The following DROSHA variants were observed in gnomAD, a reference collection of about 807,000 sequenced individuals.
The protein encoded by DROSHA is ribonuclease 3.
Under a neutral mutation model 181.9 loss-of-function variants are expected in DROSHA, and 56 were observed. The ratio of observed to expected loss-of-function variants is 0.31; its 90% CI spans 0.25 to 0.38. The LOEUF (loss-of-function observed/expected upper bound fraction) is 0.38, where lower values mean the gene tolerates loss of function less well. Among genes scored for constraint, DROSHA ranks in the 10% least tolerant of loss-of-function variants. DROSHA has a pLI of 1.00. For synonymous variants in DROSHA, 524 were observed against 591.2 expected (o/e 0.89, Z 1.65); for missense variants, 1,218 against 1,743.5 (o/e 0.70, Z 5.37).
At chr5:31,483,456 G>C in intron 16 of DROSHA, 98 bp downstream of exon 16, 2 of 1,151,298 alleles carry the variant, frequency 1.7e-6, no homozygotes, top group Non-Finnish European at 2.6e-6. Flanking sequence ...TAACAGTATC[G>C]AAGGTGGGAA....
rs1491090440 is a variant in DROSHA, at chr5:31,484,503, GCA to G, written c.1996+376_1996+377del. On this transcript the variant is annotated intron_variant, in intron 15 of 35. Transcript: ENST00000344624. Reference sequence around the variant, plus strand: ...GTTCACTCTAAGTGTCTGCGTGTGTGCATGTGTGTGTTTTAATGACTAACCAA... The same window carrying G: ...GTTCACTCTAAGTGTCTGCGTGTGTGTGTGTGTGTTTTAATGACTAACCAA... Among the ~76,000 whole-genome samples, 32 of 7,324 alleles carry G rather than the reference GCA, an allele frequency of 4.4e-3. No individual in the cohort carries two copies. The Admixed American group carries it at 0.044, about 10-fold the overall frequency. 4.8% of individuals were successfully genotyped at this position (7,324 alleles called of 152,430 possible).
intron 20 of DROSHA, among the ~76,000 whole-genome samples, chr5:31,458,665 T>G (rs1198993697): frequency 1.3e-5 from 2 of 152,210 alleles, no homozygotes; most frequent in Non-Finnish European, 2.9e-5. Context: ...ATGATGGAAA[T>G]ATCCTATTAT....
chr5:31,407,452 T>A (rs1740780534), intron 33 of DROSHA, among the ~76,000 whole-genome samples: 1 of 152,164 alleles, frequency 6.6e-6, no homozygotes, highest in South Asian at 2.1e-4. Flanking sequence ...TTCTGAAACA[T>A]CTGAGATCAC....
At position 31,401,470 on chromosome 5, in the gene DROSHA, CTT is replaced by C. The variant is rs772793274; in HGVS notation, c.4085_4086del (p.Gln1362ArgfsTer6). 1.6e-5 allele frequency: 26 copies of C among 1,613,194 alleles called. No individual in the cohort carries two copies. Among genetic ancestry groups the C allele is most frequent in the East Asian group, 4.5e-5 (2 of 44,812 alleles). ...TCTTCAGTCTCATCTGGCTCTCTCT[CTT>C]GATGCTCTCTTTCCCACCTCATTTC... is the stretch of plus-strand genomic sequence containing the variant. ...LKEMRWEREH[Q>X]EREPDETEDI... On this transcript the variant is annotated frameshift_variant, in exon 36 of 36. Coordinates refer to ENST00000344624, the MANE Select transcript of DROSHA (RefSeq NM_001382508.1). LOFTEE classifies it high-confidence loss of function.
chr5:31,467,813 G>T, intron 18 of DROSHA, 126 bp downstream of exon 18: 1 of 1,245,164 alleles, frequency 8.0e-7, no homozygotes, highest in Non-Finnish European at 1.1e-6. Context: ...AATCTAAATT[G>T]GAAGTATGGC....
intron 15 of DROSHA, among the ~76,000 whole-genome samples, chr5:31,484,318 G>A (rs1433182755): frequency 7.1e-6 from 1 of 141,632 alleles, no homozygotes; most frequent in Non-Finnish European, 1.5e-5. Context: ...AGCTTGCAGT[G>A]AGCCGAGATT....
intron 25 of DROSHA, among the ~76,000 whole-genome samples, chr5:31,432,175 A>C (rs1420309795): frequency 6.7e-6 from 1 of 150,354 alleles, no homozygotes; most frequent in Non-Finnish European, 1.5e-5. Context: ...TCTGTCGCCC[A>C]GGCTGGAGTG....
At position 31,464,269 on chromosome 5, in the gene DROSHA, G is replaced by A. The variant is rs897181836; in HGVS notation, c.2541C>T (p.Phe847=). 6.2e-7 allele frequency: 1 copy of A among 1,613,398 alleles called. No homozygotes were observed. The highest frequency in any genetic ancestry group is 8.5e-7 in the Non-Finnish European group (1 of 1,179,630). Residue 847 remains phenylalanine, a synonymous_variant, in exon 20 of 36, where the codon TTC becomes TTT. Transcript: ENST00000344624. ...CATCAGAACGGATGCCAGTTTTCCA[G>A]AATCCTTGGCTACTTAGCTCCACCG... ...EVTVELSSQG[F]WKTGIRSDVC...
chr5:31,422,557 TCTC>T (rs1292900335), intron 29 of DROSHA, among the ~76,000 whole-genome samples: 6 of 152,270 alleles, frequency 3.9e-5, no homozygotes, highest in African/African-American at 1.2e-4. Flanking sequence ...CCTTCACACT[TCTC>T]CTAAAACTTA....
intron 20 of DROSHA, among the ~76,000 whole-genome samples, chr5:31,461,274 C>T (rs1343138306): frequency 3.3e-5 from 5 of 152,062 alleles, no homozygotes; most frequent in Admixed American, 6.6e-5. Context: ...TGGCAAACAT[C>T]GATAATTTAA....
chr5:31,437,204 T>G (rs529930730), intron 24 of DROSHA, 35 bp downstream of exon 24: 1 of 1,546,156 alleles, frequency 6.5e-7, no homozygotes, highest in African/African-American at 1.4e-5. Flanking sequence ...AATGTAATTA[T>G]TGAGGAATTG....
At chr5:31,407,776 G>A (rs376826509) in intron 33 of DROSHA, among the ~76,000 whole-genome samples, 89 of 152,262 alleles carry the variant, frequency 5.8e-4, no homozygotes, top group Middle Eastern at 3.4e-3. Context: ...GAATGTGCAC[G>A]AGTGGCTTCT....
Position 31,500,620 on chromosome 5 carries a change from A to G in DROSHA, c.1668+3935T>C, listed in dbSNP as rs545041353. Among the ~76,000 whole-genome samples, 15 of 152,348 alleles carry G rather than the reference A, an allele frequency of 9.8e-5. No individual in the cohort carries two copies. In the South Asian group the frequency reaches 2.9e-3, roughly 29 times the overall value. On this transcript the variant is annotated intron_variant, in intron 11 of 35. Transcript: ENST00000344624. ...ATGGGAAGCCCCAGAGGACACACCAAAACAAATGTGCAGGTGACAGGAGCA... is the reference window on the plus strand; with the variant it reads ...ATGGGAAGCCCCAGAGGACACACCAGAACAAATGTGCAGGTGACAGGAGCA...
chr5:31,465,269 T>C (rs1748875395), intron 19 of DROSHA, among the ~76,000 whole-genome samples: 1 of 152,172 alleles, frequency 6.6e-6, no homozygotes. Context: ...AACCGTTTAT[T>C]CTTATAATTA....
intron 26 of DROSHA, among the ~76,000 whole-genome samples, chr5:31,430,926 A>T (rs1344055272): frequency 6.6e-6 from 1 of 152,100 alleles, no homozygotes; most frequent in Non-Finnish European, 1.5e-5. Context: ...TTGTCAATCT[A>T]CTGTAACATT....
At chr5:31,525,329 CAAAAAAAAAAA>C (rs34043904) in intron 5 of DROSHA, among the ~76,000 whole-genome samples, 5 of 46,054 alleles carry the variant, frequency 1.1e-4, no homozygotes, top group Non-Finnish European at 1.5e-4. Flanking sequence ...GACTTCATCT[CAAAAAAAAAAA>C]AAAAAAAAAA....
Position 31,409,070 on chromosome 5 carries a change from G to A in DROSHA, c.3840C>T (p.Asp1280=). Reference sequence around the variant, plus strand: ...CAAGTACTTACTTGTACAGAGGAATGTCTGGCTCTTTTCCTTCTGTCCTAA... The same window carrying A: ...CAAGTACTTACTTGTACAGAGGAATATCTGGCTCTTTTCCTTCTGTCCTAA... ...LTLRTEGKEP[D]IPLYKTLQTV... Residue 1280 remains aspartate, a synonymous_variant, in exon 33 of 36, where the codon GAC becomes GAT. Transcript: ENST00000344624. This position sits in a 1 kb window ranked among gnomAD's most constrained non-coding sequence, Gnocchi z 4.0. 6.2e-7 allele frequency: 1 copy of A among 1,613,850 alleles called. No homozygotes were observed. The highest frequency in any genetic ancestry group is 1.3e-5 in the African/African-American group (1 of 75,052).
rs1414986256 is a variant in DROSHA at position 31,437,093 on chromosome 5, T to C, written c.2942+146A>G. The C allele has an allele frequency of 8.3e-6, 7 of 840,588 alleles. No homozygotes were observed. The East Asian group carries it at 1.3e-4, about 16-fold the overall frequency. The allele number at this position is 840,588 out of a possible 1,614,324, so 52.1% of individuals were successfully genotyped here. A position where few individuals can be genotyped will look rare whatever the true frequency, so the allele number is the denominator to read the frequency against. Reference sequence around the variant, plus strand: ...GTTATCAGGGCAAGGGCCACAGACATGTGGCTTCTAAGCTCTACAAAAGAG... The same window carrying C: ...GTTATCAGGGCAAGGGCCACAGACACGTGGCTTCTAAGCTCTACAAAAGAG... On this transcript the variant is annotated intron_variant, in intron 24 of 35. Coordinates refer to ENST00000344624, the MANE Select transcript of DROSHA (RefSeq NM_001382508.1).
chr5:31,524,600 A>G (rs1380364619), intron 5 of DROSHA, among the ~76,000 whole-genome samples: 2 of 152,218 alleles, frequency 1.3e-5, no homozygotes, highest in African/African-American at 2.4e-5. Context: ...TTATTTTTCC[A>G]TATAAACCAA....
Sources: allele counts gnomAD v4.1 joint callset (sites outside exome capture counted in the v4.1 genomes callset), GRCh38; gene constraint gnomAD v4.1.1; non-coding constraint Gnocchi (gnomAD v3.1); transcripts MANE v1.5; gene names NCBI Gene and HGNC (gene_info 2026-07-23, HGNC 2026-07-21).